The following SOX5 variants were observed in gnomAD, a reference collection of about 807,000 sequenced individuals.
SOX5 encodes transcription factor SOX-5.
Under a neutral mutation model 92.0 loss-of-function variants are expected in SOX5, and 9 were observed. That is an observed-to-expected ratio of 0.10 (90% CI 0.06 to 0.17). The LOEUF is 0.17. Among genes scored for constraint, SOX5 ranks in the 10% least tolerant of loss-of-function variants. SOX5 has a pLI of 1.00. For synonymous variants in SOX5, 344 were observed against 336.3 expected, an observed-to-expected ratio of 1.02 and a Z score of -0.25; for missense variants, 642 against 944.5, an observed-to-expected ratio of 0.68 and a Z score of 4.20.
At chr12:23,735,935 G>A (rs1174230998) in intron 5 of SOX5, among the ~76,000 whole-genome samples, 1 of 152,134 alleles carries the variant, frequency 6.6e-6, no homozygotes, top group Non-Finnish European at 1.5e-5. Flanking sequence ...AATTCAGTGA[G>A]GGTGGAGGCC....
intron 3 of SOX5, among the ~76,000 whole-genome samples, chr12:24,226,272 T>C (rs1015259071): frequency 6.6e-6 from 1 of 152,190 alleles, no homozygotes; most frequent in Non-Finnish European, 1.5e-5. Flanking sequence ...ATTATTATTT[T>C]CTTGATTAAG....
chr12:24,392,152 G>A (rs565285964), intron 1 of SOX5, among the ~76,000 whole-genome samples: 1 of 152,252 alleles, frequency 6.6e-6, no homozygotes, highest in East Asian at 1.9e-4. Flanking sequence ...CTCCACTGCT[G>A]TCACTCTAGT....
At chr12:23,768,802 A>ACAGG (rs968873824) in intron 3 of SOX5, among the ~76,000 whole-genome samples, 13 of 152,266 alleles carry the variant, frequency 8.5e-5, no homozygotes, top group African/African-American at 2.9e-4. Context: ...TTATTGCTTG[A>ACAGG]CAGGGTTCAA....
At chr12:23,619,353 T>G (rs1161591967) in intron 8 of SOX5, among the ~76,000 whole-genome samples, 3 of 152,288 alleles carry the variant, frequency 2.0e-5, no homozygotes, top group African/African-American at 7.2e-5. Flanking sequence ...TCTTGGAACC[T>G]TCTCAACAAC....
intron 9 of SOX5, among the ~76,000 whole-genome samples, chr12:23,602,798 A>C (rs986964172): frequency 1.3e-5 from 2 of 152,126 alleles, no homozygotes; most frequent in Non-Finnish European, 2.9e-5. Context: ...TGGTCCACAG[A>C]AACACTAAAA....
intron 4 of SOX5, among the ~76,000 whole-genome samples, chr12:24,013,246 T>C (rs1366517474): frequency 6.6e-6 from 1 of 152,146 alleles, no homozygotes; most frequent in African/African-American, 2.4e-5. Flanking sequence ...AGAGCTCCAA[T>C]ACTTTCTGTA....
chr12:23,726,855 A>T (rs2093161574), intron 6 of SOX5, among the ~76,000 whole-genome samples: 1 of 152,176 alleles, frequency 6.6e-6, no homozygotes, highest in African/African-American at 2.4e-5. Context: ...AAATGTTCCC[A>T]ATGCTGAAGC....
chr12:24,499,162 C>T (rs1165889374), intron 1 of SOX5, among the ~76,000 whole-genome samples: 2 of 152,172 alleles, frequency 1.3e-5, no homozygotes, highest in Non-Finnish European at 1.5e-5. Flanking sequence ...GCTTGCTCAT[C>T]GTCTGTTCCC....
At chr12:23,669,069 C>T (rs1346932515) in intron 6 of SOX5, among the ~76,000 whole-genome samples, 2 of 151,818 alleles carry the variant, frequency 1.3e-5, no homozygotes, top group Non-Finnish European at 2.9e-5. Flanking sequence ...TCAACATCTG[C>T]TAAGTAGAAT....
intron 4 of SOX5, among the ~76,000 whole-genome samples, chr12:24,106,589 G>A (rs146771297): frequency 0.011 from 1,666 of 152,008 alleles, 15 homozygotes; most frequent in Middle Eastern, 0.02. Flanking sequence ...TCAGCAGTTC[G>A]AGACCAGCCT....
At chr12:23,967,523 G>C (rs1204511160) in intron 4 of SOX5, among the ~76,000 whole-genome samples, 2 of 151,914 alleles carry the variant, frequency 1.3e-5, no homozygotes, top group Non-Finnish European at 2.9e-5. Context: ...AAATTATATT[G>C]AATAATAGTT....
chr12:24,108,727 A>G (rs556568889), intron 4 of SOX5, among the ~76,000 whole-genome samples: 6 of 152,304 alleles, frequency 3.9e-5, no homozygotes, highest in African/African-American at 1.4e-4. Flanking sequence ...GCATTTTATT[A>G]ACAGAGTTCT....
At chr12:24,523,553 T>C (rs1032307696) in intron 1 of SOX5, among the ~76,000 whole-genome samples, 1 of 152,158 alleles carries the variant, frequency 6.6e-6, no homozygotes, top group Admixed American at 6.5e-5. Context: ...TGTGGACCGA[T>C]GGATCAGAAG....
chr12:23,563,118 G>T, intron 11 of SOX5, 140 bp downstream of exon 11: 1 of 648,020 alleles, frequency 1.5e-6, no homozygotes, highest in Non-Finnish European at 2.6e-6. Flanking sequence ...TGGCGATGAG[G>T]CCTTCTATAT....
At chr12:24,296,005 T>C (rs1947191452) in intron 2 of SOX5, among the ~76,000 whole-genome samples, 1 of 152,220 alleles carries the variant, frequency 6.6e-6, no homozygotes, top group South Asian at 2.1e-4. Flanking sequence ...TTTTACCCAG[T>C]GCATTATTTT....
At chr12:24,172,500 T>C (rs367733942) in intron 4 of SOX5, among the ~76,000 whole-genome samples, 27 of 151,886 alleles carry the variant, frequency 1.8e-4, no homozygotes, top group East Asian at 9.7e-4. Context: ...GTTCGTGTCA[T>C]TGCACTCCAG....
At chr12:23,659,875 G>C (rs1383579918) in intron 7 of SOX5, among the ~76,000 whole-genome samples, 1 of 152,172 alleles carries the variant, frequency 6.6e-6, no homozygotes, top group East Asian at 1.9e-4. Flanking sequence ...GCTGAGGCAG[G>C]AGAATCTCTT....
chr12:24,228,364 C>A (rs1962558946), intron 3 of SOX5, among the ~76,000 whole-genome samples: 1 of 152,180 alleles, frequency 6.6e-6, no homozygotes. Flanking sequence ...AATTAAAATT[C>A]ATGTTCATGG....
At position 24,025,373 on chromosome 12, in the gene SOX5, G is replaced by A. The variant is rs768391438; in HGVS notation, c.-1-129349C>T. On this transcript the variant is annotated intron_variant, in intron 4 of 4. Coordinates refer to the SOX5 transcript ENST00000446891. ...CTCATGCAAAAGGTTTGAAGGTTAT[G>A]TAAACAATGAAAAGAATCCAGTCTA... Among the ~76,000 whole-genome samples, 13 of 152,152 alleles carry A rather than the reference G, an allele frequency of 8.5e-5. No homozygotes were observed. In the East Asian group the frequency reaches 2.1e-3, roughly 25 times the overall value.
Sources: allele counts gnomAD v4.1 joint callset (sites outside exome capture counted in the v4.1 genomes callset), GRCh38; gene constraint gnomAD v4.1.1; transcripts MANE v1.5; gene names NCBI Gene and HGNC (gene_info 2026-07-23, HGNC 2026-07-21).